Variants in SPMIP4 observed in about 807,000 individuals in gnomAD.
SPMIP4 encodes the protein sperm microtubule inner protein 4, also known as sperm-associated microtubule inner protein 4.
chr7:25,158,533 A>T, the SPMIP4 span: 1 of 1,608,964 alleles, frequency 6.2e-7, no homozygotes, highest in African/African-American at 1.3e-5. Context: ...TGGGTATCCT[A>T]GAATAAAAAC....
At chr7:25,155,531 T>C in the SPMIP4 span, among the ~76,000 whole-genome samples, 6 of 152,226 alleles carry the variant, frequency 3.9e-5, no homozygotes, top group East Asian at 1.9e-4. Flanking sequence ...TAGAATGGTA[T>C]AGTTGCTTTT....
the SPMIP4 span, among the ~76,000 whole-genome samples, chr7:25,172,134 A>G: frequency 8.5e-5 from 13 of 152,230 alleles, no homozygotes; most frequent in Non-Finnish European, 1.8e-4. This position sits in a 1 kb window ranked among gnomAD's most constrained non-coding sequence, Gnocchi z 4.2. Context: ...TGTTGACTTC[A>G]GTGTAGAATC....
At chr7:25,133,892 T>A in the SPMIP4 span, among the ~76,000 whole-genome samples, 38 of 152,340 alleles carry the variant, frequency 2.5e-4, no homozygotes, top group African/African-American at 9.1e-4. Context: ...ATATTGTGCA[T>A]GTACTGGACA....
At chr7:25,179,485 T>C in the SPMIP4 span, 1 of 504,240 alleles carries the variant, frequency 2.0e-6, no homozygotes, top group Non-Finnish European at 3.3e-6. Flanking sequence ...AATAGAGACC[T>C]AAATAAGTTC....
chr7:25,162,897 G>C, the SPMIP4 span, among the ~76,000 whole-genome samples: 1 of 152,058 alleles, frequency 6.6e-6, no homozygotes, highest in Non-Finnish European at 1.5e-5. Context: ...TCAGCCTCCT[G>C]AGTAGCTGGG....
the SPMIP4 span, among the ~76,000 whole-genome samples, chr7:25,175,974 A>C: frequency 3.9e-5 from 6 of 152,232 alleles, no homozygotes; most frequent in African/African-American, 1.2e-4. Context: ...TGGTTTTCTT[A>C]ATCTGGTGAT....
At chr7:25,169,300 C>T in the SPMIP4 span, among the ~76,000 whole-genome samples, 372 of 152,114 alleles carry the variant, frequency 2.4e-3, 2 homozygotes, top group African/African-American at 8.6e-3. Context: ...CAGATAAGTG[C>T]GAGCATCCCC....
the SPMIP4 span, among the ~76,000 whole-genome samples, chr7:25,133,850 T>C: frequency 2.0e-5 from 3 of 152,206 alleles, no homozygotes; most frequent in African/African-American, 7.2e-5. Context: ...CTATATATTA[T>C]GTTCTTTTGA....
chr7:25,131,674 C>A, the SPMIP4 span, among the ~76,000 whole-genome samples: 632 of 152,312 alleles, frequency 4.1e-3, 8 homozygotes, highest in African/African-American at 0.015. The surrounding 1 kb of genome is among the most constrained non-coding windows in gnomAD (Gnocchi z 4.2). Flanking sequence ...TGTTCTCTGA[C>A]CTGGGGTTCT....
chr7:25,135,119 T>C, the SPMIP4 span: 1 of 342,296 alleles, frequency 2.9e-6, no homozygotes, highest in Non-Finnish European at 4.1e-6. Context: ...ATTAAATGAA[T>C]TGACTTGCAT....
At chr7:25,164,673 A>AG in the SPMIP4 span, among the ~76,000 whole-genome samples, 1 of 103,960 alleles carries the variant, frequency 9.6e-6, no homozygotes, top group African/African-American at 6.1e-5. Context: ...ACAGGTGGTG[A>AG]ATAAATGAAT....
chr7:25,144,510 A>G, the SPMIP4 span, among the ~76,000 whole-genome samples: 1 of 152,234 alleles, frequency 6.6e-6, no homozygotes, highest in Non-Finnish European at 1.5e-5. Context: ...GGTATATACC[A>G]GCTTGGCAGC....
chr7:25,175,658 C>T, the SPMIP4 span, among the ~76,000 whole-genome samples: 1 of 152,134 alleles, frequency 6.6e-6, no homozygotes, highest in Non-Finnish European at 1.5e-5. Flanking sequence ...CAAACGTATG[C>T]TAGGGCTCAC....
chr7:25,170,327 T>C, the SPMIP4 span, among the ~76,000 whole-genome samples: 873 of 152,366 alleles, frequency 5.7e-3, 4 homozygotes, highest in African/African-American at 0.02. Flanking sequence ...CATGTACCTA[T>C]TGGCAATATC....
At chr7:25,157,492 T>C in the SPMIP4 span, among the ~76,000 whole-genome samples, 2 of 152,082 alleles carry the variant, frequency 1.3e-5, no homozygotes, top group Admixed American at 1.3e-4. Flanking sequence ...CAGGGATAGA[T>C]CATGCCAACG....
At chr7:25,142,511 T>A in the SPMIP4 span, 1 of 932,486 alleles carries the variant, frequency 1.1e-6, no homozygotes, top group South Asian at 1.8e-5. Context: ...TTAATTCTTA[T>A]TTAAATACTT....
the SPMIP4 span, among the ~76,000 whole-genome samples, chr7:25,150,086 G>A: frequency 6.6e-6 from 1 of 152,160 alleles, no homozygotes; most frequent in African/African-American, 2.4e-5. Context: ...CAGTGGGTGG[G>A]GCCAGGCTGC....
the SPMIP4 span, chr7:25,179,037 T>C: frequency 8.6e-6 from 5 of 578,160 alleles, no homozygotes; most frequent in East Asian, 1.3e-4. Context: ...CGAGACACCG[T>C]CTCAAAAACA....
the SPMIP4 span, among the ~76,000 whole-genome samples, chr7:25,153,374 GCCAACATGGTGAAAC>G: frequency 6.6e-6 from 1 of 151,984 alleles, no homozygotes; most frequent in East Asian, 1.9e-4. Flanking sequence ...GACCAGCCTG[GCCAACATGGTGAAAC>G]CCTGTCTCTA....
Sources: allele counts gnomAD v4.1 joint callset (sites outside exome capture counted in the v4.1 genomes callset), GRCh38; gene constraint gnomAD v4.1.1; non-coding constraint Gnocchi (gnomAD v3.1); transcripts MANE v1.5; gene names NCBI Gene and HGNC (gene_info 2026-07-23, HGNC 2026-07-21).